The following STK33 variants were observed in gnomAD, a reference collection of about 807,000 sequenced individuals.
The protein encoded by STK33 is serine/threonine kinase 33.
In STK33, 52 loss-of-function variants were observed where a neutral mutation model predicts 58.0. The observed-to-expected ratio is 0.90, with a 90% CI of 0.72 to 1.13. The LOEUF is 1.13. Among genes scored for constraint, STK33 ranks in the 50% most tolerant of loss-of-function variants. The pLI is 0.00. For missense variants in STK33, 630 were observed against 604.2 expected (o/e 1.04, Z -0.45); for synonymous variants, 215 against 200.1 (o/e 1.07, Z -0.63).
At chr11:8,587,501 A>G (rs1204546361) in intron 1 of STK33, among the ~76,000 whole-genome samples, 1 of 151,716 alleles carries the variant, frequency 6.6e-6, no homozygotes, top group African/African-American at 2.4e-5. Context: ...ACACCTCCCT[A>G]TCATTCCACT....
intron 1 of STK33, among the ~76,000 whole-genome samples, chr11:8,522,501 T>C (rs1384722830): frequency 6.6e-6 from 1 of 151,662 alleles, no homozygotes; most frequent in Non-Finnish European, 1.5e-5. Context: ...TGGATCTTTA[T>C]CTAACACCAC....
chr11:8,459,559 A>C (rs527836168), intron 8 of STK33, among the ~76,000 whole-genome samples: 1 of 152,270 alleles, frequency 6.6e-6, no homozygotes, highest in Non-Finnish European at 1.5e-5. Flanking sequence ...GACATTAAAC[A>C]TCAGCCAGCA....
intron 15 of STK33, among the ~76,000 whole-genome samples, chr11:8,397,039 G>A (rs1040111695): frequency 2.6e-5 from 4 of 152,224 alleles, no homozygotes; most frequent in African/African-American, 7.2e-5. Context: ...TCTGGGGGCA[G>A]GGCACAGACA....
At chr11:8,476,787 G>A (rs1949320382) in intron 3 of STK33, 36 bp from the exon 4 acceptor site, 1 of 152,038 alleles carries the variant, frequency 6.6e-6, no homozygotes, top group South Asian at 2.1e-4. Flanking sequence ...TATATAAATG[G>A]TTTCAGAGCA....
the STK33 span, among the ~76,000 whole-genome samples, chr11:8,359,367 T>C: frequency 3.9e-5 from 6 of 152,186 alleles, no homozygotes; most frequent in Admixed American, 1.3e-4. Flanking sequence ...TCACCCTGTG[T>C]TTTCAAATGG....
At chr11:8,547,702 T>A (rs892836911) in intron 1 of STK33, among the ~76,000 whole-genome samples, 1 of 152,240 alleles carries the variant, frequency 6.6e-6, no homozygotes, top group Non-Finnish European at 1.5e-5. Context: ...TTTCCTTTGC[T>A]GTGCAAAAGC....
chr11:8,515,179 T>C (rs1169943314), intron 1 of STK33, among the ~76,000 whole-genome samples: 1 of 151,872 alleles, frequency 6.6e-6, no homozygotes, highest in Non-Finnish European at 1.5e-5. Context: ...CTCTTAGCTA[T>C]ACTAAGAAAA....
chr11:8,500,435 A>G (rs1049066304), intron 1 of STK33, among the ~76,000 whole-genome samples: 1 of 152,190 alleles, frequency 6.6e-6, no homozygotes, highest in African/African-American at 2.4e-5. Flanking sequence ...CACATTCACA[A>G]TGAACAATCT....
chr11:8,420,875 C>T (rs1345768246), intron 14 of STK33, among the ~76,000 whole-genome samples: 7 of 151,040 alleles, frequency 4.6e-5, no homozygotes, highest in East Asian at 3.9e-4. Context: ...TGGTGCATGC[C>T]GGTAGTCTCA....
chr11:8,387,119 G>A (rs894436334), downstream of STK33, among the ~76,000 whole-genome samples: 4 of 152,202 alleles, frequency 2.6e-5, no homozygotes, highest in African/African-American at 9.7e-5. Flanking sequence ...CCCTGATATA[G>A]TGCTTGAGTC....
chr11:8,378,175 T>C, the STK33 span, among the ~76,000 whole-genome samples: 2 of 152,286 alleles, frequency 1.3e-5, no homozygotes, highest in African/African-American at 4.8e-5. Flanking sequence ...AGCAAATGCA[T>C]CCTTCTTCAC....
At chr11:8,571,839 A>C (rs1957831595) in intron 1 of STK33, among the ~76,000 whole-genome samples, 1 of 151,272 alleles carries the variant, frequency 6.6e-6, no homozygotes, top group Admixed American at 6.6e-5. Flanking sequence ...TCTCAAAAAA[A>C]AAAAAAGGTT....
chr11:8,405,809 T>C (rs1939035699), intron 15 of STK33, among the ~76,000 whole-genome samples: 1 of 152,168 alleles, frequency 6.6e-6, no homozygotes, highest in Admixed American at 6.6e-5. Context: ...AAAAAGACTA[T>C]CATTTACCCC....
At chr11:8,405,102 A>C (rs11828529) in intron 15 of STK33, among the ~76,000 whole-genome samples, 29,563 of 152,036 alleles carry the variant, frequency 0.19, 3,262 homozygotes, top group African/African-American at 0.29. Flanking sequence ...CGCCATTGCA[A>C]TCCAGCCTGG....
intron 15 of STK33, among the ~76,000 whole-genome samples, chr11:8,406,192 G>A (rs1251557290): frequency 1.3e-5 from 2 of 150,636 alleles, no homozygotes; most frequent in Admixed American, 6.6e-5. Flanking sequence ...ATAAACATGG[G>A]TCTATTTCTA....
At chr11:8,576,132 AAG>A (rs1958164210) in intron 1 of STK33, among the ~76,000 whole-genome samples, 1 of 152,144 alleles carries the variant, frequency 6.6e-6, no homozygotes, top group African/African-American at 2.4e-5. Context: ...GGGGAAAATG[AAG>A]AGAGACTTCT....
chr11:8,499,652 C>G (rs537052848), intron 1 of STK33, among the ~76,000 whole-genome samples: 11 of 152,250 alleles, frequency 7.2e-5, no homozygotes, highest in African/African-American at 2.2e-4. Flanking sequence ...TTCACAATAG[C>G]AAAGACTTGG....
intron 15 of STK33, among the ~76,000 whole-genome samples, chr11:8,401,605 T>C (rs1425965922): frequency 2.6e-4 from 39 of 151,922 alleles, no homozygotes; most frequent in South Asian, 6.2e-4. Flanking sequence ...GCAACAAAAG[T>C]CAAAATTGAC....
At chr11:8,348,882 GA>G in the STK33 span, among the ~76,000 whole-genome samples, 7,308 of 150,348 alleles carry the variant, frequency 0.049, 258 homozygotes, top group African/African-American at 0.092. Context: ...TAAGAAACTG[GA>G]AAAAAAAAAT....
Sources: gnomAD v4.1 joint callset for allele counts (sites outside exome capture counted in the v4.1 genomes callset) on GRCh38, gnomAD v4.1.1 for gene constraint, MANE v1.5 for transcripts, NCBI Gene and HGNC (gene_info 2026-07-23, HGNC 2026-07-21) for gene names.